Variants in MYO19 observed in about 807,000 individuals in gnomAD.
MYO19 encodes unconventional myosin-XIX.
A neutral mutation model predicts 129.2 loss-of-function variants in MYO19; 132 were observed. That is an observed-to-expected ratio of 1.02 (90% confidence interval 0.89 to 1.18). The LOEUF (loss-of-function observed/expected upper bound fraction) is 1.18. MYO19 is among the 50% of genes most tolerant of loss of function. MYO19 has a pLI of 0.00. For missense variants in MYO19, 1,210 were observed against 1,216.7 expected (o/e 0.99, Z 0.08); for synonymous variants, 531 against 477.2 (o/e 1.11, Z -1.47).
At chr17:36,529,527 A>G (rs1002973475) in intron 3 of MYO19, among the ~76,000 whole-genome samples, 5 of 152,158 alleles carry the variant, frequency 3.3e-5, no homozygotes, top group African/African-American at 9.7e-5. Context: ...TCTCTCATAG[A>G]AATAAGCCAT....
Position 36,515,152 on chromosome 17 carries a change from C to T in MYO19, c.578G>A (p.Ser193Asn). 2.5e-6 allele frequency: 4 copies of T among 1,612,720 alleles called. 1 individual carries two copies. In the Middle Eastern group the frequency reaches 5.0e-4, roughly 200 times the overall value. Residue 193 changes from serine (S) to asparagine (N), a missense_variant, in exon 8 of 26, where the codon AGC (serine) becomes AAC (asparagine). Transcript: ENST00000614623. ...GNACTLRNNNSSRFGKFIQLQ... is the reference protein window; with the variant it reads ...GNACTLRNNNNSRFGKFIQLQ... ...CTGGATGAACTTCCCAAAGCGACTG[C>T]TGTTGTTATTCCTCAGTGTACACGC...
intron 11 of MYO19, 163 bp downstream of exon 11, chr17:36,513,266 A>G: frequency 6.7e-7 from 1 of 1,484,402 alleles, no homozygotes; most frequent in Non-Finnish European, 8.9e-7. Context: ...CCTGGTCTCC[A>G]GACTCAGCAG....
In MYO19 at chr17:36,503,208, C is replaced by A; in HGVS notation, c.1977-8G>T. The A allele has an allele frequency of 6.2e-7, 1 of 1,608,448 alleles. No individual in the cohort carries two copies. Among genetic ancestry groups the A allele is most frequent in the East Asian group, 2.2e-5 (1 of 44,858 alleles). On this transcript the variant is annotated splice_region_variant and splice_polypyrimidine_tract_variant and intron_variant, in intron 20 of 25. Transcript: ENST00000614623. Reference sequence around the variant, plus strand: ...AAGTTTCGGTGAGAGACCCTGGAGGCCAAAGCAGGCAGAAGTAGAGAATTA... The same window carrying A: ...AAGTTTCGGTGAGAGACCCTGGAGGACAAAGCAGGCAGAAGTAGAGAATTA...
At chr17:36,539,937 T>C (rs1389432438) in intron 2 of MYO19, among the ~76,000 whole-genome samples, 2 of 151,548 alleles carry the variant, frequency 1.3e-5, no homozygotes, top group African/African-American at 4.9e-5. Flanking sequence ...TGAGGAGTTA[T>C]AAAGTCTTAT....
chr17:36,537,730 T>C (rs1251746408), upstream of MYO19: 2 of 1,614,022 alleles, frequency 1.2e-6, no homozygotes, highest in Non-Finnish European at 1.7e-6. Flanking sequence ...TGGCCATTAG[T>C]CTTCCTAGGA....
chr17:36,507,643 A>G (rs1252202968), intron 15 of MYO19, 131 bp from the exon 16 acceptor site: 1 of 1,285,886 alleles, frequency 7.8e-7, no homozygotes, highest in Admixed American at 2.2e-5. Flanking sequence ...ATATCAAAAC[A>G]TTACATTGTA....
chr17:36,503,125 G>A lies in MYO19; in HGVS notation c.2052C>T (p.Asp684=). 1.2e-6 allele frequency: 2 copies of A among 1,613,230 alleles called. No homozygotes were observed. The highest frequency in any genetic ancestry group is 1.7e-6 in the Non-Finnish European group (2 of 1,179,148). ...GGAGCCCTTTGGCAGGATATGGGCTGTCGGGGCCAGAGGATGTGCAAGGAT... is the reference window on the plus strand; with the variant it reads ...GGAGCCCTTTGGCAGGATATGGGCTATCGGGGCCAGAGGATGTGCAAGGAT... ...RLHPCTSSGP[D]SPYPAKGLPE... Residue 684 remains aspartate, a synonymous_variant, in exon 21 of 26, where the codon GAC becomes GAT. Transcript: ENST00000614623.
At chr17:36,535,326 C>T (rs546381655), upstream of MYO19, 1 of 151,644 alleles carries the variant, frequency 6.6e-6, no homozygotes, top group Non-Finnish European at 1.5e-5. Context: ...AGGCGCTCCT[C>T]TCAGGGCTAC....
At chr17:36,498,720 A>G in intron 24 of MYO19, 161 bp from the exon 25 acceptor site, 1 of 708,638 alleles carries the variant, frequency 1.4e-6, no homozygotes, top group Non-Finnish European at 2.3e-6. Flanking sequence ...TCCATATGCC[A>G]CAAGTCTATA....
chr17:36,542,326 G>A (rs371631418), intron 1 of MYO19: 2 of 152,298 alleles, frequency 1.3e-5, no homozygotes, highest in African/African-American at 4.8e-5. Context: ...GTGTTCAGTA[G>A]TCAAAGTAAT....
intron 23 of MYO19, 66 bp from the exon 24 acceptor site, chr17:36,499,226 G>A (rs968607713): frequency 4.3e-6 from 5 of 1,157,170 alleles, no homozygotes; most frequent in East Asian, 5.2e-5. Flanking sequence ...CAGTGACCTC[G>A]CTGCAGCAGC....
intron 3 of MYO19, among the ~76,000 whole-genome samples, chr17:36,530,221 A>C (rs2073745223): frequency 1.3e-5 from 2 of 152,116 alleles, no homozygotes. Flanking sequence ...CTGAGGCAGG[A>C]GGGTTGCTTC....
At chr17:36,505,153 A>C in intron 19 of MYO19, 144 bp downstream of exon 19, 1 of 808,500 alleles carries the variant, frequency 1.2e-6, no homozygotes, top group East Asian at 2.4e-5. Context: ...ACAGCAAGGG[A>C]GATGGGTCCT....
At chr17:36,538,516 G>A (rs2074174802), upstream of MYO19, 5 of 1,613,722 alleles carry the variant, frequency 3.1e-6, no homozygotes, top group African/African-American at 1.3e-5. Flanking sequence ...TTACACAGCA[G>A]TACCTTGTGG....
chr17:36,498,587 T>A, intron 24 of MYO19, 28 bp from the exon 25 acceptor site: 1 of 1,580,112 alleles, frequency 6.3e-7, no homozygotes, highest in Non-Finnish European at 8.6e-7. Context: ...CCTTTATAGC[T>A]TTAGATTTAT....
chr17:36,532,441 G>C, intron 3 of MYO19, 86 bp downstream of exon 3: 2 of 1,501,348 alleles, frequency 1.3e-6, no homozygotes, highest in Non-Finnish European at 1.8e-6. Flanking sequence ...GACCTTTAAG[G>C]GGGCTTTCCC....
intron 23 of MYO19, 91 bp from the exon 24 acceptor site, chr17:36,499,251 C>T: frequency 1.3e-6 from 1 of 759,918 alleles, no homozygotes; most frequent in East Asian, 3.1e-5. Context: ...CAGTTGCTGT[C>T]AAAGTTTCAA....
At chr17:36,506,648 A>G (rs774284093) in intron 17 of MYO19, 40 bp from the exon 18 acceptor site, 7 of 1,511,318 alleles carry the variant, frequency 4.6e-6, no homozygotes, top group Non-Finnish European at 5.3e-6. Flanking sequence ...GGGCAGGTGG[A>G]GCTTCTGCTC....
intron 6 of MYO19, among the ~76,000 whole-genome samples, chr17:36,517,020 A>C (rs184540305): frequency 2.6e-5 from 4 of 151,948 alleles, no homozygotes; most frequent in Admixed American, 2.6e-4. Context: ...TATGACTTCA[A>C]TTTCTTTCAG....
Sources: allele counts gnomAD v4.1 joint callset (sites outside exome capture counted in the v4.1 genomes callset), GRCh38; gene constraint gnomAD v4.1.1; transcripts MANE v1.5; gene names NCBI Gene and HGNC (gene_info 2026-07-23, HGNC 2026-07-21).